The following TOM1L2 variants were observed in gnomAD, a reference collection of about 807,000 sequenced individuals.
TOM1L2 encodes TOM1-like protein 2.
TOM1L2 carries 31 observed loss-of-function variants against 67.9 expected under a neutral mutation model. The observed-to-expected ratio is 0.46, with a 90% confidence interval of 0.34 to 0.62. The LOEUF is 0.62. Ranked by LOEUF, TOM1L2 falls within the 20% of genes least tolerant of loss-of-function variation. The pLI, the probability that TOM1L2 is intolerant of heterozygous loss-of-function variation, is 0.01. For synonymous variants in TOM1L2, 256 were observed against 254.0 expected (o/e 1.01, Z -0.07); for missense variants, 606 against 663.5 (o/e 0.91, Z 0.95).
chr17:17,937,602 C>T (rs1408122802), intron 1 of TOM1L2, among the ~76,000 whole-genome samples: 3 of 152,218 alleles, frequency 2.0e-5, no homozygotes, highest in Non-Finnish European at 4.4e-5. Context: ...CTTTGCGTCA[C>T]CTGCTGGTAT....
chr17:17,936,717 T>C (rs1470917617), intron 1 of TOM1L2, among the ~76,000 whole-genome samples: 1 of 152,188 alleles, frequency 6.6e-6, no homozygotes, highest in Admixed American at 6.5e-5. Context: ...TTATTCTATA[T>C]TAAGTGGGAA....
chr17:17,869,333 C>T lies in TOM1L2; in HGVS notation c.911+7G>A, dbSNP rs755233238. 6.2e-7 allele frequency: 1 copy of T among 1,605,870 alleles called. No individual in the cohort carries two copies. Among genetic ancestry groups the T allele is most frequent in the Admixed American group, 1.7e-5 (1 of 59,744 alleles). On this transcript the variant is annotated splice_region_variant and intron_variant, in intron 8 of 14. Coordinates refer to ENST00000379504, the MANE Select transcript of TOM1L2 (RefSeq NM_001082968.2). The stretch of plus-strand genomic sequence containing the variant: ...GAAAAAAAAAAAAAAAGAAATCCGG[C>T]TCCCACCTCTCGTATCGAAGGAAGA...
At chr17:17,862,522 T>A in intron 11 of TOM1L2, 2 of 496,200 alleles carry the variant, frequency 4.0e-6, no homozygotes, top group Non-Finnish European at 7.3e-6. Flanking sequence ...GGCAGGAGAG[T>A]GTGTGTGTGT....
intron 1 of TOM1L2, among the ~76,000 whole-genome samples, chr17:17,910,096 C>T (rs112525639): frequency 0.016 from 2,450 of 152,228 alleles, 25 homozygotes; most frequent in Middle Eastern, 0.027. Flanking sequence ...AAAACCACCA[C>T]CAAAAAAGAC....
At chr17:17,949,320 A>G (rs575359229) in intron 1 of TOM1L2, among the ~76,000 whole-genome samples, 1 of 152,308 alleles carries the variant, frequency 6.6e-6, no homozygotes, top group South Asian at 2.1e-4. Context: ...GGCAGAGCAT[A>G]GAGCATAGGG....
At chr17:17,922,361 A>G (rs1189676609) in intron 1 of TOM1L2, among the ~76,000 whole-genome samples, 1 of 152,176 alleles carries the variant, frequency 6.6e-6, no homozygotes, top group Non-Finnish European at 1.5e-5. Context: ...ATTTTCTCTA[A>G]GGAGTCTGGG....
chr17:17,945,902 AGT>A (rs2040929404), intron 1 of TOM1L2, among the ~76,000 whole-genome samples: 1 of 152,126 alleles, frequency 6.6e-6, no homozygotes, highest in Non-Finnish European at 1.5e-5. Context: ...ACAAGGTCTC[AGT>A]GTCACCCAGG....
intron 2 of TOM1L2, among the ~76,000 whole-genome samples, chr17:17,903,248 G>T (rs568813238): frequency 6.6e-6 from 1 of 152,222 alleles, no homozygotes; most frequent in South Asian, 2.1e-4. Flanking sequence ...GTACCTTAGA[G>T]ACTTCATTCA....
At chr17:17,963,035 T>C (rs1305654876) in intron 1 of TOM1L2, among the ~76,000 whole-genome samples, 1 of 151,828 alleles carries the variant, frequency 6.6e-6, no homozygotes, top group Non-Finnish European at 1.5e-5. Context: ...TAGAAACAGG[T>C]GCCCTCATGG....
intron 3 of TOM1L2, among the ~76,000 whole-genome samples, chr17:17,897,873 G>C (rs2038650402): frequency 6.6e-6 from 1 of 151,008 alleles, no homozygotes. Flanking sequence ...TGTCCAAAAA[G>C]TTCAGCACAG....
intron 1 of TOM1L2, among the ~76,000 whole-genome samples, chr17:17,960,059 A>C (rs1462315006): frequency 6.6e-6 from 1 of 152,250 alleles, no homozygotes; most frequent in Non-Finnish European, 1.5e-5. Context: ...TTCTCAGAAA[A>C]CTTACTGGTA....
intron 12 of TOM1L2, among the ~76,000 whole-genome samples, chr17:17,861,255 T>C (rs2036542443): frequency 6.6e-6 from 1 of 152,082 alleles, no homozygotes; most frequent in South Asian, 2.1e-4. Context: ...TTCTCTTGGG[T>C]GGATTGGGAA....
intron 1 of TOM1L2, among the ~76,000 whole-genome samples, chr17:17,912,966 T>C (rs1278311697): frequency 6.6e-6 from 1 of 152,168 alleles, no homozygotes; most frequent in Non-Finnish European, 1.5e-5. Flanking sequence ...GGCGGATCGC[T>C]CGCGGTTAGG....
At chr17:17,941,608 C>T (rs941992597) in intron 1 of TOM1L2, among the ~76,000 whole-genome samples, 1 of 152,064 alleles carries the variant, frequency 6.6e-6, no homozygotes, top group South Asian at 2.1e-4. Flanking sequence ...CTCACCTGCC[C>T]GTCCCTAAAG....
chr17:17,959,452 G>A (rs969060426), intron 1 of TOM1L2, among the ~76,000 whole-genome samples: 1 of 152,176 alleles, frequency 6.6e-6, no homozygotes, highest in African/African-American at 2.4e-5. Context: ...AAAAATTAGA[G>A]GGTTGGACCA....
rs932148093 is a variant in TOM1L2, at chr17:17,847,863, C to T, written c.1376-80G>A. The T allele has an allele frequency of 3.1e-6, 5 of 1,593,904 alleles. No homozygotes were observed. The Admixed American group carries it at 5.0e-5, about 16-fold the overall frequency. ...AAGCGCACCCTTCCACTCCCCAGCCCGTTTCCTCCTCTAGGGCAGGCATGA... is the reference window on the plus strand; with the variant it reads ...AAGCGCACCCTTCCACTCCCCAGCCTGTTTCCTCCTCTAGGGCAGGCATGA... On this transcript the variant is annotated intron_variant, in intron 14 of 14. Coordinates refer to ENST00000379504, the MANE Select transcript of TOM1L2 (RefSeq NM_001082968.2).
At chr17:17,947,993 A>G (rs991587126) in intron 1 of TOM1L2, among the ~76,000 whole-genome samples, 2 of 152,220 alleles carry the variant, frequency 1.3e-5, no homozygotes, top group African/African-American at 2.4e-5. Flanking sequence ...TGATGGAGGA[A>G]AAGAAAATTA....
At chr17:17,918,300 A>G (rs2039713308) in intron 1 of TOM1L2, among the ~76,000 whole-genome samples, 1 of 151,598 alleles carries the variant, frequency 6.6e-6, no homozygotes, top group African/African-American at 2.4e-5. Context: ...ATGTAAAGTC[A>G]TGTCATCAGG....
intron 4 of TOM1L2, among the ~76,000 whole-genome samples, chr17:17,891,785 G>A (rs970027492): frequency 6.1e-5 from 2 of 33,040 alleles, no homozygotes; most frequent in Non-Finnish European, 8.9e-5. Flanking sequence ...GCATGCACAC[G>A]TGTGTGTGTG....
Sources: gnomAD v4.1 joint callset for allele counts (sites outside exome capture counted in the v4.1 genomes callset) on GRCh38, gnomAD v4.1.1 for gene constraint, MANE v1.5 for transcripts, NCBI Gene and HGNC (gene_info 2026-07-23, HGNC 2026-07-21) for gene names.